MLLT3: variants seen among roughly 807,000 people sequenced by gnomAD.
MLLT3 encodes the protein protein AF-9.
A neutral mutation model predicts 53.2 loss-of-function variants in MLLT3; 4 were observed. That is an observed-to-expected ratio of 0.08 (90% CI 0.04 to 0.17). MLLT3 has a LOEUF of 0.17. MLLT3 is among the 10% of genes least tolerant of loss of function. The pLI, the probability that MLLT3 is intolerant of heterozygous loss-of-function variation, is 1.00. For missense variants in MLLT3, 569 were observed against 684.0 expected (o/e 0.83, Z 1.87); for synonymous variants, 283 against 230.6 (o/e 1.23, Z -2.06).
intron 2 of MLLT3, among the ~76,000 whole-genome samples, chr9:20,593,035 G>T (rs760313952): frequency 2.6e-5 from 4 of 152,124 alleles, no homozygotes; most frequent in African/African-American, 9.7e-5. Context: ...TGGCATTTTT[G>T]ATGACCATGC....
chr9:20,412,746 T>C (rs1216734871), intron 5 of MLLT3, among the ~76,000 whole-genome samples: 2 of 152,194 alleles, frequency 1.3e-5, no homozygotes, highest in Non-Finnish European at 2.9e-5. Context: ...TGATCATTAC[T>C]AATAAGTAAC....
chr9:20,397,078 C>G (rs1822339087), intron 5 of MLLT3, among the ~76,000 whole-genome samples: 1 of 152,178 alleles, frequency 6.6e-6, no homozygotes, highest in Non-Finnish European at 1.5e-5. Context: ...AAATCACACT[C>G]AATGCATTAT....
At chr9:20,477,097 T>G (rs566805780) in intron 2 of MLLT3, among the ~76,000 whole-genome samples, 6 of 151,704 alleles carry the variant, frequency 4.0e-5, no homozygotes, top group East Asian at 3.9e-4. Flanking sequence ...TGGGGCCCAG[T>G]GGGATGAATG....
At chr9:20,389,504 G>C (rs1054227121) in intron 5 of MLLT3, among the ~76,000 whole-genome samples, 1 of 152,188 alleles carries the variant, frequency 6.6e-6, no homozygotes, top group Non-Finnish European at 1.5e-5. Context: ...ACCAGGCATG[G>C]TGGCTCATGC....
chr9:20,479,294 C>A (rs1824604098), intron 2 of MLLT3, among the ~76,000 whole-genome samples: 1 of 152,064 alleles, frequency 6.6e-6, no homozygotes, highest in South Asian at 2.1e-4. Flanking sequence ...TACCCCAAGG[C>A]AATTACTGTG....
At chr9:20,460,755 T>C (rs1442831146) in intron 2 of MLLT3, among the ~76,000 whole-genome samples, 1 of 152,208 alleles carries the variant, frequency 6.6e-6, no homozygotes, top group Non-Finnish European at 1.5e-5. Flanking sequence ...GCCAAAGAAG[T>C]TGTTTTTCCA....
At chr9:20,431,512 G>A (rs1378421321) in intron 4 of MLLT3, among the ~76,000 whole-genome samples, 1 of 152,226 alleles carries the variant, frequency 6.6e-6, no homozygotes, top group South Asian at 2.1e-4. Flanking sequence ...TGAATTCCAT[G>A]TAGTAAAGGT....
At chr9:20,555,706 C>A (rs1408717642) in intron 2 of MLLT3, among the ~76,000 whole-genome samples, 2 of 152,182 alleles carry the variant, frequency 1.3e-5, no homozygotes, top group Non-Finnish European at 2.9e-5. Context: ...CTCCCCTCAT[C>A]TCACTAGGCA....
Position 20,342,452 on chromosome 9 carries a change from A to T in MLLT3, c.*3991T>A, listed in dbSNP as rs894305684. On this transcript the variant is annotated 3_prime_UTR_variant, in exon 11 of 11. Coordinates refer to ENST00000380338, the MANE Select transcript of MLLT3 (RefSeq NM_004529.4). ...TAATCTCAATAATACATTTTCACTT[A>T]ATTTATTTTTGCACTGCATGGTAGC... 4.5e-6 allele frequency: 1 copy of T among 222,360 alleles called. No homozygotes were observed. Among genetic ancestry groups the T allele is most frequent in the Non-Finnish European group, 9.0e-6 (1 of 111,368 alleles). The allele number at this position is 222,360 out of a possible 1,614,324, so 13.8% of individuals were successfully genotyped here.
At chr9:20,528,175 T>C (rs1281080996) in intron 2 of MLLT3, among the ~76,000 whole-genome samples, 1 of 152,258 alleles carries the variant, frequency 6.6e-6, no homozygotes, top group South Asian at 2.1e-4. Flanking sequence ...ATCCTAATGA[T>C]TTCCATCTTT....
chr9:20,592,016 A>G (rs539153750), intron 2 of MLLT3, among the ~76,000 whole-genome samples: 2 of 152,280 alleles, frequency 1.3e-5, no homozygotes, highest in Non-Finnish European at 1.5e-5. Flanking sequence ...AATAGAATGA[A>G]TAAGAATTAG....
At chr9:20,603,867 T>C (rs558997666) in intron 2 of MLLT3, among the ~76,000 whole-genome samples, 25 of 152,208 alleles carry the variant, frequency 1.6e-4, no homozygotes, top group Admixed American at 1.4e-3. Context: ...AACTTTCTCT[T>C]TAAAATACTG....
At chr9:20,501,139 A>T (rs533362271) in intron 2 of MLLT3, among the ~76,000 whole-genome samples, 1 of 152,198 alleles carries the variant, frequency 6.6e-6, no homozygotes, top group Non-Finnish European at 1.5e-5. Flanking sequence ...GAATTACTAT[A>T]TTTCCCTTTC....
intron 5 of MLLT3, among the ~76,000 whole-genome samples, chr9:20,398,419 T>C (rs1209813933): frequency 2.6e-5 from 4 of 152,120 alleles, no homozygotes; most frequent in Non-Finnish European, 4.4e-5. Flanking sequence ...GATGTGATGG[T>C]TTAATAAATA....
chr9:20,442,401 C>CA (rs1823577439), intron 4 of MLLT3, among the ~76,000 whole-genome samples: 1 of 152,134 alleles, frequency 6.6e-6, no homozygotes, highest in Non-Finnish European at 1.5e-5. Flanking sequence ...GCACAAAGAA[C>CA]TATGTATGAG....
At chr9:20,595,202 A>T (rs1382415440) in intron 2 of MLLT3, among the ~76,000 whole-genome samples, 1 of 152,042 alleles carries the variant, frequency 6.6e-6, no homozygotes, top group African/African-American at 2.4e-5. Context: ...TACAAAAAGA[A>T]GAAGAAAAGA....
In MLLT3 at chr9:20,469,697, T is replaced by C. The variant is rs1824332702; in HGVS notation, c.194-12911A>G. The stretch of plus-strand genomic sequence containing the variant: ...TGAGAGCCTAACTTGAAGAACTAGC[T>C]AGTGTTCACTAATTCGGTGCAATCA... On this transcript the variant is annotated intron_variant, in intron 2 of 10. Coordinates refer to ENST00000380338, the MANE Select transcript of MLLT3 (RefSeq NM_004529.4). Among the ~76,000 whole-genome samples, 7 of 148,756 alleles carry C rather than the reference T, an allele frequency of 4.7e-5. No individual in the cohort carries two copies. The South Asian group carries it at 1.5e-3, about 32-fold the overall frequency.
At chr9:20,471,444 T>A (rs1330520905) in intron 2 of MLLT3, among the ~76,000 whole-genome samples, 1 of 152,032 alleles carries the variant, frequency 6.6e-6, no homozygotes, top group Non-Finnish European at 1.5e-5. Context: ...CCTTTTCCTA[T>A]GAAAATCACA....
chr9:20,360,774 G>T lies in MLLT3; in HGVS notation c.1399C>A (p.Pro467Thr), dbSNP rs1278676233. 4 of 1,613,998 alleles carry T rather than the reference G, an allele frequency of 2.5e-6. No individual in the cohort carries two copies. The highest frequency in any genetic ancestry group is 2.5e-6 in the Non-Finnish European group (3 of 1,179,950). The change falls in exon 8 of 11, where the codon CCA becomes ACA. Residue 467 changes from proline (P) to threonine (T), a missense_variant. Physicochemically the swap from Pro to Thr is conservative, Grantham distance 38. Transcript: ENST00000380338. ...TTGTTGGTTTTTAGTAAGGGTGGTG[G>T]AGGTTCGTGATGTAGGGGTGAAGAA... The part of the protein sequence containing the change: ...SASSPLHHEP[P>T]PPLLKTNNNQ...
Sources: gnomAD v4.1 joint callset for allele counts (sites outside exome capture counted in the v4.1 genomes callset) on GRCh38, gnomAD v4.1.1 for gene constraint, MANE v1.5 for transcripts, NCBI Gene and HGNC (gene_info 2026-07-23, HGNC 2026-07-21) for gene names.